TBCD: variants seen among roughly 807,000 people sequenced by gnomAD.
TBCD encodes tubulin folding cofactor D.
Under a neutral mutation model 169.3 loss-of-function variants are expected in TBCD, and 105 were observed. The ratio of observed to expected loss-of-function variants is 0.62; its 90% CI spans 0.53 to 0.73. TBCD has a LOEUF of 0.73. TBCD is among the 30% of genes least tolerant of loss of function. The pLI is 0.00. For missense variants in TBCD, 1,444 were observed against 1,600.1 expected, an observed-to-expected ratio of 0.90 and a Z score of 1.66; for synonymous variants, 700 against 643.9, an observed-to-expected ratio of 1.09 and a Z score of -1.32.
intron 37 of TBCD, 112 bp from the exon 38 acceptor site, chr17:82,941,287 G>T (rs1006694811): frequency 5.9e-6 from 5 of 850,536 alleles, no homozygotes; most frequent in Admixed American, 5.2e-5. Flanking sequence ...GATGTCGGGG[G>T]TGAGGTCTCC....
In TBCD at chr17:82,853,894, A is replaced by ATTTT. The variant is rs1226510732; in HGVS notation, c.1319-16330_1319-16329insTTTT. ...CTTATTATATGAATTTTGCTTTTTC[A>ATTTT]GATTTTTTTTTGTTTTTAAAAGTTG... On this transcript the variant is annotated intron_variant, in intron 13 of 38. Transcript: ENST00000355528. Among the ~76,000 whole-genome samples, 288 of 152,082 alleles carry ATTTT rather than the reference A, an allele frequency of 1.9e-3. 2 individuals are homozygous for ATTTT. Among genetic ancestry groups the ATTTT allele is most frequent in the African/African-American group, 6.8e-3 (282 of 41,496 alleles).
intron 12 of TBCD, among the ~76,000 whole-genome samples, chr17:82,813,892 G>A (rs1309705812): frequency 6.6e-6 from 1 of 152,200 alleles, no homozygotes; most frequent in African/African-American, 2.4e-5. Context: ...GGCTGGGCAC[G>A]CAGGAGGTGA....
rs1404989969 is a variant in TBCD, at chr17:82,922,574, C to G, written c.2178+997C>G. The stretch of plus-strand genomic sequence containing the variant: ...CATTCTGTAGGATCCAAGTACCGTT[C>G]TACTAATTGAATTTGAATGCATCAT... On this transcript the variant is annotated intron_variant, in intron 25 of 38. Coordinates refer to ENST00000355528, the MANE Select transcript of TBCD (RefSeq NM_005993.5). The surrounding 1 kb of genome is among the most constrained non-coding windows in gnomAD (Gnocchi z 4.1). 2.0e-5 allele frequency among the ~76,000 whole-genome samples: 3 copies of G among 151,854 alleles called. No individual in the cohort carries two copies. The highest frequency in any genetic ancestry group is 2.9e-5 in the Non-Finnish European group (2 of 67,976).
At chr17:82,838,102 A>C (rs1394690532) in intron 13 of TBCD, among the ~76,000 whole-genome samples, 2 of 152,252 alleles carry the variant, frequency 1.3e-5, no homozygotes, top group African/African-American at 4.8e-5. Context: ...CTCAACGTGC[A>C]CTGGGCCGGG....
At chr17:82,783,531 G>A (rs1175513870) in intron 7 of TBCD, among the ~76,000 whole-genome samples, 1 of 152,190 alleles carries the variant, frequency 6.6e-6, no homozygotes, top group African/African-American at 2.4e-5. Flanking sequence ...CCCAGCCCCT[G>A]CAGCCGTGGA....
chr17:82,896,350 G>A (rs931960127), intron 17 of TBCD, among the ~76,000 whole-genome samples: 9 of 151,858 alleles, frequency 5.9e-5, no homozygotes, highest in African/African-American at 2.2e-4. Context: ...TGTCTGGGTT[G>A]TCACAGGTGC....
chr17:82,808,681 G>A (rs2051194223), intron 11 of TBCD, among the ~76,000 whole-genome samples: 1 of 138,660 alleles, frequency 7.2e-6, no homozygotes, highest in African/African-American at 2.7e-5. Flanking sequence ...GGCAGGTGCT[G>A]GGGGGCAGAG....
intron 7 of TBCD, among the ~76,000 whole-genome samples, chr17:82,791,568 A>T (rs2049732720): frequency 6.6e-6 from 1 of 152,226 alleles, no homozygotes; most frequent in Non-Finnish European, 1.5e-5. Flanking sequence ...GAGCACAGTC[A>T]TAAGTCCCTG....
intron 23 of TBCD, among the ~76,000 whole-genome samples, chr17:82,916,953 T>G (rs1173886435): frequency 6.6e-6 from 1 of 152,098 alleles, no homozygotes; most frequent in Non-Finnish European, 1.5e-5. Flanking sequence ...CACTTAATTC[T>G]TTACGCCTCC....
chr17:82,939,784 A>C (rs559960592), intron 37 of TBCD, among the ~76,000 whole-genome samples: 1 of 152,336 alleles, frequency 6.6e-6, no homozygotes, highest in South Asian at 2.1e-4. Context: ...AGGGCACTGA[A>C]GGCCTGGCAG....
Position 82,875,249 on chromosome 17 carries a change from G to T in TBCD, c.1475+4869G>T, listed in dbSNP as rs528270973. 1.1e-3 allele frequency among the ~76,000 whole-genome samples: 166 copies of T among 152,314 alleles called. 1 individual carries two copies. The highest frequency in any genetic ancestry group is 2.5e-3 in the Admixed American group (38 of 15,300). On this transcript the variant is annotated intron_variant, in intron 14 of 38. Transcript: ENST00000355528. The stretch of plus-strand genomic sequence containing the variant: ...ACCTGATTTCCTCAGTGTCGCACAC[G>T]GGTAGCTTAAGAGGTGGGATAATTG...
rs575033314 is a variant in TBCD, at chr17:82,781,814, C to T, written c.771+93C>T. The stretch of plus-strand genomic sequence containing the variant: ...GATGTTACCTGTGATTCCATCTTGA[C>T]GTAATTGGAACCCCGTGGGATTGAT... On this transcript the variant is annotated intron_variant, in intron 7 of 38. Coordinates refer to ENST00000355528, the MANE Select transcript of TBCD (RefSeq NM_005993.5). 1.6e-4 allele frequency: 248 copies of T among 1,543,362 alleles called. 2 individuals are homozygous for T. The African/African-American group carries it at 2.8e-3, about 17-fold the overall frequency.
chr17:82,911,916 T>TGGA (rs2060673533), intron 23 of TBCD, 127 bp downstream of exon 23: 1 of 912,514 alleles, frequency 1.1e-6, no homozygotes, highest in Non-Finnish European at 1.7e-6. Context: ...GTTTCTTCTG[T>TGGA]GGAGGCGGCA....
Position 82,929,624 on chromosome 17 carries a change from A to G in TBCD, c.2991+124A>G, listed in dbSNP as rs769836265. The G allele has an allele frequency of 2.4e-5, 33 of 1,381,030 alleles. No homozygotes were observed. The African/African-American group carries it at 3.1e-4, about 13-fold the overall frequency. The allele number at this position is 1,381,030 out of a possible 1,614,324, so 85.5% of individuals were successfully genotyped here. On this transcript the variant is annotated intron_variant, in intron 32 of 38. Transcript: ENST00000355528. ...CCATTGCTTTCTATCTCTCTCGGGC[A>G]TATTTGGTTAGGGGGTCAGGGGCCC...
At chr17:82,760,489 C>T (rs2047695876) in intron 2 of TBCD, among the ~76,000 whole-genome samples, 1 of 152,030 alleles carries the variant, frequency 6.6e-6, no homozygotes, top group South Asian at 2.1e-4. Context: ...TATGTTTTGT[C>T]TTTTATTGCT....
At position 82,882,798 on chromosome 17, in the gene TBCD, G is replaced by A. The variant is rs560793326; in HGVS notation, c.1476-1347G>A. Reference sequence around the variant, plus strand: ...GTGGGTCTGGGTCTGGGTCTGGGGCGACAGACAGTGCGAGACACAGGAGAA... The same window carrying A: ...GTGGGTCTGGGTCTGGGTCTGGGGCAACAGACAGTGCGAGACACAGGAGAA... On this transcript the variant is annotated intron_variant, in intron 14 of 38. Coordinates refer to ENST00000355528, the MANE Select transcript of TBCD (RefSeq NM_005993.5). Among the ~76,000 whole-genome samples, 11 of 152,270 alleles carry A rather than the reference G, an allele frequency of 7.2e-5. No individual in the cohort carries two copies. In the East Asian group the frequency reaches 2.1e-3, roughly 29 times the overall value.
intron 13 of TBCD, chr17:82,830,844 C>A (rs781214323): frequency 7.4e-6 from 12 of 1,612,742 alleles, no homozygotes; most frequent in South Asian, 3.3e-5. Flanking sequence ...CGCTTCCGGT[C>A]GGAGCAGGAG....
At position 82,880,130 on chromosome 17, in the gene TBCD, T is replaced by G. The variant is rs1338041393; in HGVS notation, c.1476-4015T>G. 6.6e-6 allele frequency among the ~76,000 whole-genome samples: 1 copy of G among 152,194 alleles called. No homozygotes were observed. Among genetic ancestry groups the G allele is most frequent in the Non-Finnish European group, 1.5e-5 (1 of 68,022 alleles). On this transcript the variant is annotated intron_variant, in intron 14 of 38. Coordinates refer to ENST00000355528, the MANE Select transcript of TBCD (RefSeq NM_005993.5). The surrounding 1 kb of genome is among the most constrained non-coding windows in gnomAD (Gnocchi z 5.0). ...GCCTGTGGTCCTTTCTTCTGCCTCC[T>G]GTGTCTGTCCTTCCTTCTTCCTTCC...
Position 82,921,655 on chromosome 17 carries a change from G to A in TBCD, c.2178+78G>A, listed in dbSNP as rs2061426637. 35 of 1,363,778 alleles carry A rather than the reference G, an allele frequency of 2.6e-5. No homozygotes were observed. In the East Asian group the frequency reaches 3.7e-4, roughly 14 times the overall value. 84.5% of individuals were successfully genotyped at this position (1,363,778 alleles called of 1,614,324 possible). On this transcript the variant is annotated intron_variant, in intron 25 of 38. Transcript: ENST00000355528. ...AGTCACGGATGGTGTTTGTGTTGGC[G>A]ACTGTGCATCATGAGGCTGTCCCTG...
Sources: allele counts gnomAD v4.1 joint callset (sites outside exome capture counted in the v4.1 genomes callset), GRCh38; gene constraint gnomAD v4.1.1; non-coding constraint Gnocchi (gnomAD v3.1); transcripts MANE v1.5; gene names NCBI Gene and HGNC (gene_info 2026-07-23, HGNC 2026-07-21).